The following CHEK2 variants were observed in gnomAD, a reference collection of about 807,000 sequenced individuals.
CHEK2 encodes the protein serine/threonine-protein kinase Chk2.
CHEK2 carries 71 observed loss-of-function variants against 69.1 expected under a neutral mutation model. The ratio of observed to expected loss-of-function variants is 1.03; its 90% CI spans 0.85 to 1.25. The LOEUF (loss-of-function observed/expected upper bound fraction) is 1.25. CHEK2 is among the 50% of genes most tolerant of loss of function. The pLI is 0.00. For synonymous variants in CHEK2, 189 were observed against 226.9 expected (o/e 0.83, Z 1.50); for missense variants, 664 against 649.6 (o/e 1.02, Z -0.24).
At chr22:28,734,773 A>C (rs2054344515) in intron 1 of CHEK2, 46 bp from the exon 2 acceptor site, 1 of 1,538,138 alleles carries the variant, frequency 6.5e-7, no homozygotes, top group Non-Finnish European at 9.0e-7. Context: ...TCAAGGCACA[A>C]GACTTAAAAT....
At chr22:28,704,562 G>A (rs2053033885) in intron 7 of CHEK2, among the ~76,000 whole-genome samples, 1 of 151,972 alleles carries the variant, frequency 6.6e-6, no homozygotes, top group East Asian at 1.9e-4. Flanking sequence ...TGAACTCCTG[G>A]CCTCAAGTGA....
chr22:28,708,014 T>A (rs887880431), intron 7 of CHEK2, among the ~76,000 whole-genome samples: 2 of 151,726 alleles, frequency 1.3e-5, no homozygotes, highest in Admixed American at 1.3e-4. Flanking sequence ...TTTTTTTTTG[T>A]ATTTTTAGTA....
At chr22:28,718,652 T>C (rs2053662834) in intron 5 of CHEK2, among the ~76,000 whole-genome samples, 1 of 151,452 alleles carries the variant, frequency 6.6e-6, no homozygotes, top group Non-Finnish European at 1.5e-5. Flanking sequence ...GAGGCCGAGA[T>C]GGGTGGATTG....
chr22:28,741,577 G>A (rs975864418), intron 1 of CHEK2, among the ~76,000 whole-genome samples, 192 bp downstream of exon 1: 1 of 152,114 alleles, frequency 6.6e-6, no homozygotes, highest in African/African-American at 2.4e-5. Context: ...GCCTGTTTCA[G>A]CTTGCAAGTA....
Position 28,725,295 on chromosome 22 carries a change from T to C in CHEK2, c.392A>G (p.Lys131Arg), listed in dbSNP as rs1569158689. The C allele has an allele frequency of 6.2e-7, 1 of 1,614,184 alleles. No individual in the cohort carries two copies. The highest frequency in any genetic ancestry group is 2.2e-5 in the East Asian group (1 of 44,870). ...GTATGTTCGGTATTTATCTGTTCTTTTCAGCAGTGGTTCATCAAAGCAATA... is the reference window on the plus strand; with the variant it reads ...GTATGTTCGGTATTTATCTGTTCTTCTCAGCAGTGGTTCATCAAAGCAATA... The part of the protein sequence containing the change: ...CEYCFDEPLL[K>R]RTDKYRTYSK... Residue 131 changes from lysine to arginine, a missense_variant, in exon 3 of 15, where the codon AAA becomes AGA. By Grantham distance (26) the Lys-to-Arg change is conservative. Transcript: ENST00000404276.
Position 28,701,084 on chromosome 22 carries a change from C to T in CHEK2, c.909-1147G>A, listed in dbSNP as rs558051833. On this transcript the variant is annotated intron_variant, in intron 8 of 14. Transcript: ENST00000404276. ...GATTACAGGCGTGAGCCACCGTGCCCGGCTCTGTATTATCACTTTTATTAA... is the reference window on the plus strand; with the variant it reads ...GATTACAGGCGTGAGCCACCGTGCCTGGCTCTGTATTATCACTTTTATTAA... 3.7e-4 allele frequency among the ~76,000 whole-genome samples: 56 copies of T among 152,044 alleles called. 1 individual carries two copies. The highest frequency in any genetic ancestry group is 7.2e-4 in the Non-Finnish European group (49 of 68,010).
intron 5 of CHEK2, among the ~76,000 whole-genome samples, chr22:28,718,400 A>G (rs1187100303): frequency 6.6e-6 from 1 of 152,196 alleles, no homozygotes; most frequent in East Asian, 1.9e-4. Context: ...TGTAATTACC[A>G]TATGATCCAG....
intron 2 of CHEK2, among the ~76,000 whole-genome samples, chr22:28,727,827 T>A (rs925468391): frequency 1.3e-5 from 2 of 152,208 alleles, no homozygotes; most frequent in South Asian, 2.1e-4. Context: ...ACCTATTAGA[T>A]TGGCAAAAAT....
chr22:28,693,878 G>A (rs1365542694), intron 13 of CHEK2, among the ~76,000 whole-genome samples, 154 bp downstream of exon 13: 1 of 151,888 alleles, frequency 6.6e-6, no homozygotes, highest in Non-Finnish European at 1.5e-5. Flanking sequence ...AATAAAACAG[G>A]TTGTAACCCA....
At chr22:28,688,032 G>A (rs2145740264) in intron 14 of CHEK2, 46 bp from the exon 15 acceptor site, 1 of 1,399,502 alleles carries the variant, frequency 7.1e-7, no homozygotes, top group Non-Finnish European at 9.9e-7. Context: ...AAAATCACTG[G>A]CTTCTTTAAG....
intron 2 of CHEK2, 101 bp downstream of exon 2, chr22:28,734,302 A>G: frequency 8.6e-7 from 1 of 1,169,322 alleles, no homozygotes; most frequent in East Asian, 2.5e-5. Flanking sequence ...CAACGTGCCA[A>G]AAACCTGGAC....
chr22:28,709,284 C>G (rs568846043), intron 7 of CHEK2, among the ~76,000 whole-genome samples: 5 of 152,008 alleles, frequency 3.3e-5, no homozygotes, highest in African/African-American at 1.2e-4. Flanking sequence ...TAATGGATAC[C>G]CTTGGATTTA....
chr22:28,732,390 C>A (rs1002629976), intron 2 of CHEK2, among the ~76,000 whole-genome samples: 3 of 152,140 alleles, frequency 2.0e-5, no homozygotes, highest in African/African-American at 7.2e-5. Flanking sequence ...GGATTACAGG[C>A]ATGAGCCACC....
At chr22:28,737,352 C>T in intron 1 of CHEK2, 1 of 445,784 alleles carries the variant, frequency 2.2e-6, no homozygotes, top group Non-Finnish European at 4.5e-6. Context: ...CACTTTACAG[C>T]TTCTCTTTAC....
At chr22:28,740,115 C>A (rs1276536284) in intron 1 of CHEK2, among the ~76,000 whole-genome samples, 1 of 152,146 alleles carries the variant, frequency 6.6e-6, no homozygotes, top group Non-Finnish European at 1.5e-5. Flanking sequence ...GCAGGCGAAT[C>A]GCTTGAACCA....
At chr22:28,703,624 C>A in intron 7 of CHEK2, 58 bp from the exon 8 acceptor site, 1 of 1,096,028 alleles carries the variant, frequency 9.1e-7, no homozygotes, top group South Asian at 1.3e-5. Context: ...AGGAAAACCA[C>A]AAGAGCTTAG....
chr22:28,721,721 G>A (rs990959064), intron 4 of CHEK2: 3 of 394,706 alleles, frequency 7.6e-6, no homozygotes, highest in African/African-American at 2.1e-5. Flanking sequence ...AAAACATGTT[G>A]TACATGATAA....
chr22:28,692,197 T>C (rs1402634069), intron 13 of CHEK2, among the ~76,000 whole-genome samples: 4 of 152,202 alleles, frequency 2.6e-5, no homozygotes, highest in Admixed American at 2.0e-4. Context: ...GCCAGCTCTA[T>C]TTTTTGTTAG....
rs1320411258 is a variant in CHEK2, at chr22:28,724,923, C to A, written c.592+54G>T. The A allele has an allele frequency of 5.7e-6, 9 of 1,587,694 alleles. No individual in the cohort carries two copies. Among genetic ancestry groups the A allele is most frequent in the Non-Finnish European group, 7.8e-6 (9 of 1,156,348 alleles). ...CTGTAAGGACAGGACAAATTTTCCT[C>A]CTATGAGAGAGTGGAAAAAAAAAAT... On this transcript the variant is annotated intron_variant, in intron 4 of 14. Coordinates refer to ENST00000404276, the MANE Select transcript of CHEK2 (RefSeq NM_007194.4).
Sources: gnomAD v4.1 joint callset for allele counts (sites outside exome capture counted in the v4.1 genomes callset) on GRCh38, gnomAD v4.1.1 for gene constraint, MANE v1.5 for transcripts, NCBI Gene and HGNC (gene_info 2026-07-23, HGNC 2026-07-21) for gene names.